The following USP31 variants were observed in gnomAD, a reference collection of about 807,000 sequenced individuals.
USP31 encodes the protein ubiquitin specific peptidase 31, also known as ubiquitin carboxyl-terminal hydrolase 31.
Under a neutral mutation model 119.4 loss-of-function variants are expected in USP31, and 44 were observed. The ratio of observed to expected loss-of-function variants is 0.37; its 90% CI spans 0.29 to 0.47. The LOEUF (loss-of-function observed/expected upper bound fraction) is 0.47, where lower values mean the gene tolerates loss of function less well. USP31 is among the 20% of genes least tolerant of loss of function. The probability of loss-of-function intolerance (pLI) is 0.99; values close to 1 mark genes in which losing one functional copy is unlikely to be tolerated. For synonymous variants in USP31, 749 were observed against 705.6 expected, an observed-to-expected ratio of 1.06 and a Z score of -0.97; for missense variants, 1,643 against 1,730.2, an observed-to-expected ratio of 0.95 and a Z score of 0.89.
At chr16:23,087,673 T>C (rs1901168606) in intron 8 of USP31, 51 bp downstream of exon 8, 3 of 1,481,956 alleles carry the variant, frequency 2.0e-6, no homozygotes, top group Non-Finnish European at 2.8e-6. Flanking sequence ...TGTTTGTTTC[T>C]TCACTGAGTA....
intron 1 of USP31, among the ~76,000 whole-genome samples, chr16:23,132,358 T>C (rs940964684): frequency 2.6e-5 from 4 of 151,526 alleles, no homozygotes; most frequent in Non-Finnish European, 4.4e-5. Context: ...GTGGAAACTA[T>C]GAGGTCATTG....
intron 15 of USP31, 80 bp downstream of exon 15, chr16:23,071,965 G>T: frequency 6.5e-7 from 1 of 1,533,502 alleles, no homozygotes. Context: ...TTGGGACTTA[G>T]CTCCTAGGAA....
intron 6 of USP31, among the ~76,000 whole-genome samples, chr16:23,100,764 A>G (rs1471008923): frequency 6.6e-6 from 1 of 152,158 alleles, no homozygotes; most frequent in Non-Finnish European, 1.5e-5. Flanking sequence ...GAGAGAGAGA[A>G]AGTCGAATAA....
At chr16:23,099,942 G>A (rs1205151514) in intron 6 of USP31, among the ~76,000 whole-genome samples, 1 of 152,142 alleles carries the variant, frequency 6.6e-6, no homozygotes, top group East Asian at 1.9e-4. Context: ...TCAACATCAT[G>A]TCAGTGACAA....
At chr16:23,096,449 C>T (rs1901617718) in intron 6 of USP31, among the ~76,000 whole-genome samples, 1 of 152,216 alleles carries the variant, frequency 6.6e-6, no homozygotes, top group Non-Finnish European at 1.5e-5. Flanking sequence ...AAAAGGTTAA[C>T]AAGGATATCC....
rs1596711998 is a variant in USP31 at position 23,102,454 on chromosome 16, T to C, written c.1099A>G (p.Thr367Ala). The C allele has an allele frequency of 6.2e-7, 1 of 1,603,308 alleles. No homozygotes were observed. The highest frequency in any genetic ancestry group is 2.2e-5 in the East Asian group (1 of 44,640). The change falls in exon 6 of 16, where the codon ACA becomes GCA. Residue 367 changes from threonine (T) to alanine (A), a missense_variant. By Grantham distance (58) the Thr-to-Ala change is moderately conservative. Coordinates refer to ENST00000219689, the MANE Select transcript of USP31 (RefSeq NM_020718.4). The stretch of plus-strand genomic sequence containing the variant: ...TGGAACCCATCATAGTACATTTCTG[T>C]TAACACAATCTAAAAATAGGAAAAA... The part of the protein sequence containing the change: ...TKIPTDQIVL[T>A]EMYYDGFHRS...
chr16:23,070,780 G>C (rs1276229426), intron 15 of USP31, among the ~76,000 whole-genome samples: 4 of 151,116 alleles, frequency 2.6e-5, no homozygotes, highest in Non-Finnish European at 5.9e-5. Context: ...AACGTCCTAA[G>C]AAAATATTCT....
chr16:23,138,821 A>AT (rs1903267168), intron 1 of USP31, among the ~76,000 whole-genome samples: 1 of 152,056 alleles, frequency 6.6e-6, no homozygotes, highest in Non-Finnish European at 1.5e-5. Context: ...CGGAGCAGGT[A>AT]TTGTTTCTTC....
intron 1 of USP31, among the ~76,000 whole-genome samples, chr16:23,136,784 C>T (rs939093398): frequency 3.9e-5 from 6 of 152,022 alleles, no homozygotes; most frequent in African/African-American, 9.7e-5. Context: ...GAACTCTTAA[C>T]AATTCATCAC....
In USP31 at chr16:23,068,277, C is replaced by T. The variant is rs1900173445; in HGVS notation, c.3828G>A (p.Gln1276=). 1.2e-6 allele frequency: 2 copies of T among 1,614,056 alleles called. No homozygotes were observed. Among genetic ancestry groups the T allele is most frequent in the African/African-American group, 2.7e-5 (2 of 75,050 alleles). ...TGDDEAERGH[Q]PPASQQPNAN... ...CATTTGGCTGCTGGGAAGCTGGAGG[C>T]TGGTGGCCTCTCTCTGCCTCGTCGT... Residue 1276 remains glutamine (Q), a synonymous_variant, in exon 16 of 16, where the codon CAG becomes CAA. Coordinates refer to ENST00000219689, the MANE Select transcript of USP31 (RefSeq NM_020718.4).
In USP31 at chr16:23,102,379, A is replaced by G. The variant is rs1377974962; in HGVS notation, c.1174T>C (p.Cys392Arg). ...TCGGGAGTCTCAAAGGCAAAAATGC[A>G]GTCGCTTTCATGGACTGTTTCCAGG... ...DDLETVHESD[C>R]IFAFETPEIF... The change falls in exon 6 of 16, where the codon TGC becomes CGC. Residue 392 changes from cysteine (C) to arginine (R), a missense_variant. Around this residue, in one of 5 missense-constraint regions of USP31, gnomAD observed 219 missense variants for 226.4 expected, o/e 0.97. Transcript: ENST00000219689. The G allele has an allele frequency of 3.1e-6, 5 of 1,613,980 alleles. No homozygotes were observed. The highest frequency in any genetic ancestry group is 1.1e-5 in the South Asian group (1 of 91,062).
In USP31 at chr16:23,106,120, G is replaced by A. The variant is rs1226935525; in HGVS notation, c.953+93C>T. The A allele has an allele frequency of 3.8e-6, 5 of 1,333,328 alleles. No homozygotes were observed. The African/African-American group carries it at 5.9e-5, about 16-fold the overall frequency. The allele number at this position is 1,333,328 out of a possible 1,614,324, so 82.6% of individuals were successfully genotyped here. ...AATCCCATTATTAATCCCATTACCT[G>A]TCTAAATAAGTAAGAAGACCTAATA... On this transcript the variant is annotated intron_variant, in intron 4 of 15. Transcript: ENST00000219689.
chr16:23,112,546 G>C (rs1003912961), intron 1 of USP31, among the ~76,000 whole-genome samples: 4 of 152,064 alleles, frequency 2.6e-5, no homozygotes, highest in African/African-American at 9.6e-5. Context: ...TTGCACTCCA[G>C]CTTGGACGAG....
intron 1 of USP31, among the ~76,000 whole-genome samples, chr16:23,138,482 C>T (rs945222166): frequency 6.6e-6 from 1 of 152,134 alleles, no homozygotes; most frequent in Non-Finnish European, 1.5e-5. Flanking sequence ...AGTGACCATT[C>T]TTTTAAAAAT....
At chr16:23,105,292 G>A in intron 5 of USP31, 149 bp downstream of exon 5, 1 of 927,226 alleles carries the variant, frequency 1.1e-6, no homozygotes, top group Non-Finnish European at 1.5e-6. Context: ...TTAGTCTTTG[G>A]GGCCTTGATT....
intron 1 of USP31, among the ~76,000 whole-genome samples, chr16:23,136,376 G>A (rs556339124): frequency 6.6e-6 from 1 of 152,256 alleles, no homozygotes; most frequent in African/African-American, 2.4e-5. Flanking sequence ...AACTTGGCTG[G>A]GCACGGCGGC....
chr16:23,081,027 A>T (rs1900797361), intron 12 of USP31, among the ~76,000 whole-genome samples: 2 of 152,232 alleles, frequency 1.3e-5, no homozygotes, highest in South Asian at 4.1e-4. Flanking sequence ...AATCAATTAA[A>T]ATCATTGCAA....
intron 6 of USP31, among the ~76,000 whole-genome samples, chr16:23,092,016 G>C (rs1901384373): frequency 6.6e-6 from 1 of 152,184 alleles, no homozygotes; most frequent in Non-Finnish European, 1.5e-5. Context: ...GACGAGATAA[G>C]GGGATGCCAC....
At chr16:23,118,043 C>A (rs977026384) in intron 1 of USP31, among the ~76,000 whole-genome samples, 1 of 152,170 alleles carries the variant, frequency 6.6e-6, no homozygotes, top group African/African-American at 2.4e-5. Context: ...CCCATTTCAG[C>A]CTCTCAAAGT....
Sources: gnomAD v4.1 joint callset for allele counts (sites outside exome capture counted in the v4.1 genomes callset) on GRCh38, gnomAD v4.1.1 for gene constraint, gnomAD v4.1.1 regional missense constraint, MANE v1.5 for transcripts, NCBI Gene and HGNC (gene_info 2026-07-23, HGNC 2026-07-21) for gene names.